FAM193A: variants seen among roughly 807,000 people sequenced by gnomAD.
FAM193A encodes the protein family with sequence similarity 193 member A, also known as protein FAM193A.
FAM193A carries 22 observed loss-of-function variants against 126.5 expected under a neutral mutation model. That is an observed-to-expected ratio of 0.17 (90% CI 0.12 to 0.25). FAM193A has a LOEUF of 0.25. FAM193A is among the 10% of genes least tolerant of loss of function. FAM193A has a pLI of 1.00. For synonymous variants in FAM193A, 761 were observed against 646.8 expected (o/e 1.18, Z -2.68); for missense variants, 1,675 against 1,672.8 (o/e 1.00, Z -0.02).
chr4:2,625,883 C>T (rs889741001), intron 3 of FAM193A, among the ~76,000 whole-genome samples: 1 of 152,020 alleles, frequency 6.6e-6, no homozygotes, highest in African/African-American at 2.4e-5. Context: ...ACCACCATGT[C>T]GGGCTAATTT....
At chr4:2,614,160 G>A (rs1033003376) in intron 2 of FAM193A, among the ~76,000 whole-genome samples, 6 of 151,922 alleles carry the variant, frequency 3.9e-5, no homozygotes, top group Non-Finnish European at 7.4e-5. Flanking sequence ...ATTTTTTCTT[G>A]CCCAATTCCA....
intron 1 of FAM193A, among the ~76,000 whole-genome samples, chr4:2,571,078 C>T (rs1739266957): frequency 6.6e-6 from 1 of 152,190 alleles, no homozygotes; most frequent in African/African-American, 2.4e-5. Context: ...CCTGCCTTGT[C>T]ACCTTACCCA....
chr4:2,681,043 G>GC (rs1345634793), intron 13 of FAM193A, among the ~76,000 whole-genome samples: 2 of 152,252 alleles, frequency 1.3e-5, no homozygotes, highest in East Asian at 3.9e-4. Flanking sequence ...AGGCTGGAGT[G>GC]CAGTAGCACG....
chr4:2,650,898 G>A (rs925092807), intron 7 of FAM193A, among the ~76,000 whole-genome samples: 1 of 152,168 alleles, frequency 6.6e-6, no homozygotes, highest in African/African-American at 2.4e-5. Context: ...CGCTGTCTCA[G>A]GGCCCTCCTC....
chr4:2,633,354 G>A (rs1743787569), intron 5 of FAM193A, among the ~76,000 whole-genome samples: 1 of 151,884 alleles, frequency 6.6e-6, no homozygotes, highest in Admixed American at 6.6e-5. Context: ...AGCCAAGATT[G>A]TGCCAGTGCA....
At chr4:2,697,129 A>C (rs976652484) in intron 18 of FAM193A, among the ~76,000 whole-genome samples, 1 of 152,194 alleles carries the variant, frequency 6.6e-6, no homozygotes, top group Non-Finnish European at 1.5e-5. Flanking sequence ...ATAAGTCTTC[A>C]TGGGAAGACA....
intron 2 of FAM193A, among the ~76,000 whole-genome samples, chr4:2,619,091 A>G (rs1024120963): frequency 1.3e-5 from 2 of 152,008 alleles, no homozygotes; most frequent in Admixed American, 6.6e-5. Flanking sequence ...TTAATCTGCC[A>G]AGTGTGTTTA....
At chr4:2,594,961 T>C (rs35905582) in intron 1 of FAM193A, among the ~76,000 whole-genome samples, 10,569 of 151,160 alleles carry the variant, frequency 0.07, 671 homozygotes, top group African/African-American at 0.16. Flanking sequence ...CCTGAGTAGC[T>C]GGGATTACAG....
rs184322830 is a variant in FAM193A, at chr4:2,672,674, A to G, written c.2331+302A>G. Among the ~76,000 whole-genome samples the G allele has an allele frequency of 4.1e-4, 63 of 152,370 alleles. No individual in the cohort carries two copies. The East Asian group carries it at 6.9e-3, about 17-fold the overall frequency. On this transcript the variant is annotated intron_variant, in intron 13 of 20. Transcript: ENST00000637812. Reference sequence around the variant, plus strand: ...CAGGTTAAACCTAGGGAATATTTCCACAGGAGACCAGTAATCTACTTGTGA... The same window carrying G: ...CAGGTTAAACCTAGGGAATATTTCCGCAGGAGACCAGTAATCTACTTGTGA...
chr4:2,561,328 C>T (rs1317932275), intron 1 of FAM193A, among the ~76,000 whole-genome samples: 1 of 151,226 alleles, frequency 6.6e-6, no homozygotes, highest in Admixed American at 6.6e-5. Context: ...AGTACAGGTG[C>T]GTACAACCAT....
chr4:2,635,153 A>G (rs1339354034), intron 5 of FAM193A, among the ~76,000 whole-genome samples: 7 of 152,172 alleles, frequency 4.6e-5, no homozygotes, highest in African/African-American at 1.4e-4. Context: ...AATGCCAGCC[A>G]ATCTCTTTTT....
intron 12 of FAM193A, among the ~76,000 whole-genome samples, chr4:2,668,248 CTG>C (rs1713362855): frequency 6.7e-6 from 1 of 149,126 alleles, no homozygotes; most frequent in Non-Finnish European, 1.5e-5. Flanking sequence ...GAGTCTCGCT[CTG>C]TCACCCAGGC....
intron 12 of FAM193A, among the ~76,000 whole-genome samples, chr4:2,665,079 A>G (rs567956172): frequency 3.5e-4 from 54 of 152,296 alleles, no homozygotes; most frequent in African/African-American, 1.2e-3. Flanking sequence ...GGAGAATGCA[A>G]TCCTAACAAA....
intron 1 of FAM193A, among the ~76,000 whole-genome samples, chr4:2,581,151 A>AAC (rs1242823585): frequency 5.3e-5 from 8 of 151,714 alleles, no homozygotes; most frequent in East Asian, 3.9e-4. Context: ...CAAAAAAAAA[A>AAC]CCACTGATTT....
At position 2,647,096 on chromosome 4, in the gene FAM193A, C is replaced by G. The variant is rs562682375; in HGVS notation, c.1311+264C>G. Among the ~76,000 whole-genome samples, 4 of 152,316 alleles carry G rather than the reference C, an allele frequency of 2.6e-5. No individual in the cohort carries two copies. The South Asian group carries it at 8.3e-4, about 32-fold the overall frequency. On this transcript the variant is annotated intron_variant, in intron 7 of 20. Coordinates refer to ENST00000637812, the MANE Select transcript of FAM193A (RefSeq NM_001366318.2). Reference sequence around the variant, plus strand: ...TCAAGTTTTCCTTGGCCTGGGCACACCTGCTGTCACTCACACGGGCTGTCA... The same window carrying G: ...TCAAGTTTTCCTTGGCCTGGGCACAGCTGCTGTCACTCACACGGGCTGTCA...
Position 2,592,551 on chromosome 4 carries a change from G to A in FAM193A, c.256-3533G>A, listed in dbSNP as rs115084173. Among the ~76,000 whole-genome samples the A allele has an allele frequency of 5.1e-3, 770 of 152,280 alleles. 4 individuals carry two copies. The highest frequency in any genetic ancestry group is 0.018 in the African/African-American group (731 of 41,574). On this transcript the variant is annotated intron_variant, in intron 1 of 20. Transcript: ENST00000637812. ...CCAACATTGGCCCACAGGCAGGCAG[G>A]ACAGTGATCCCTGAGAGAAGAAGAA...
intron 19 of FAM193A, among the ~76,000 whole-genome samples, chr4:2,705,833 C>T (rs1337245049): frequency 1.3e-5 from 2 of 152,100 alleles, no homozygotes; most frequent in African/African-American, 4.8e-5. Flanking sequence ...AGCAGTCCTC[C>T]TGCCTCAGCC....
intron 1 of FAM193A, among the ~76,000 whole-genome samples, chr4:2,547,600 GTGTC>G (rs1243588490): frequency 1.9e-4 from 28 of 147,264 alleles, no homozygotes; most frequent in African/African-American, 6.8e-4. Flanking sequence ...GTGTGTGTGT[GTGTC>G]TGTGTGTGTG....
intron 1 of FAM193A, among the ~76,000 whole-genome samples, chr4:2,550,606 T>C (rs1241456429): frequency 6.6e-6 from 1 of 150,488 alleles, no homozygotes; most frequent in African/African-American, 2.4e-5. Flanking sequence ...CCAGCTAATT[T>C]TGTATTTTTA....
Sources: allele counts gnomAD v4.1 joint callset (sites outside exome capture counted in the v4.1 genomes callset), GRCh38; gene constraint gnomAD v4.1.1; transcripts MANE v1.5; gene names NCBI Gene and HGNC (gene_info 2026-07-23, HGNC 2026-07-21).